Variants in TRPC1 observed in about 807,000 individuals in gnomAD.
The protein encoded by TRPC1 is short transient receptor potential channel 1.
TRPC1 carries 42 observed loss-of-function variants against 88.2 expected under a neutral mutation model. That is an observed-to-expected ratio of 0.48 (90% confidence interval 0.37 to 0.62). The LOEUF is 0.62. Ranked by LOEUF, TRPC1 falls within the 20% of genes least tolerant of loss-of-function variation. TRPC1 has a pLI of 0.00. For synonymous variants in TRPC1, 288 were observed against 331.8 expected (o/e 0.87, Z 1.43); for missense variants, 699 against 957.3 (o/e 0.73, Z 3.56).
chr3:142,752,287 G>C (rs1477313024), intron 4 of TRPC1, among the ~76,000 whole-genome samples: 1 of 152,268 alleles, frequency 6.6e-6, no homozygotes, highest in Non-Finnish European at 1.5e-5. Flanking sequence ...GTGATAATAA[G>C]GAGAAGGTCA....
intron 7 of TRPC1, among the ~76,000 whole-genome samples, chr3:142,785,481 A>G (rs1314125174): frequency 6.6e-6 from 1 of 151,842 alleles, no homozygotes; most frequent in Non-Finnish European, 1.5e-5. Context: ...AGAACCTATG[A>G]GCTTTTTGGT....
intron 7 of TRPC1, among the ~76,000 whole-genome samples, chr3:142,788,814 A>G (rs1936210856): frequency 6.6e-6 from 1 of 152,174 alleles, no homozygotes; most frequent in Non-Finnish European, 1.5e-5. Context: ...TGCTTGGATT[A>G]GTTTCAACTT....
chr3:142,731,180 G>A (rs1577939137), intron 1 of TRPC1, among the ~76,000 whole-genome samples: 1 of 151,910 alleles, frequency 6.6e-6, no homozygotes, highest in Non-Finnish European at 1.5e-5. Context: ...ACTGTTAATG[G>A]GTTGCAACCT....
At chr3:142,773,793 A>G (rs1023817303) in intron 4 of TRPC1, among the ~76,000 whole-genome samples, 1 of 148,300 alleles carries the variant, frequency 6.7e-6, no homozygotes, top group African/African-American at 2.5e-5. Flanking sequence ...AATGAAGTCT[A>G]TCCCCGCCCC....
rs1351070555 is a variant in TRPC1, at chr3:142,772,317, G to A, written c.633-5315G>A. On this transcript the variant is annotated intron_variant, in intron 4 of 12. Transcript: ENST00000476941. ...ATGTTGGTATGCTTAATGGTGTTCC[G>A]CATCTCTCTTAGGCTCTGTTCATTT... Among the ~76,000 whole-genome samples the A allele has an allele frequency of 1.1e-4, 17 of 151,948 alleles. No homozygotes were observed. In the East Asian group the frequency reaches 2.1e-3, roughly 19 times the overall value.
At chr3:142,780,158 T>G (rs1375730596) in intron 5 of TRPC1, among the ~76,000 whole-genome samples, 1 of 152,168 alleles carries the variant, frequency 6.6e-6, no homozygotes, top group Non-Finnish European at 1.5e-5. Context: ...GTAATTGATA[T>G]TTTTTAAAAG....
In TRPC1 at chr3:142,776,453, A is replaced by G. The variant is rs1424682958; in HGVS notation, c.633-1179A>G. On this transcript the variant is annotated intron_variant, in intron 4 of 12. Coordinates refer to ENST00000476941, the MANE Select transcript of TRPC1 (RefSeq NM_001251845.2). The surrounding 1 kb of genome is among the most constrained non-coding windows in gnomAD (Gnocchi z 4.1). ...TTTCTGGTTTGTTTTCTATTTAGGTATGGAAATTTGAATATTAATTTATAG... is the reference window on the plus strand; with the variant it reads ...TTTCTGGTTTGTTTTCTATTTAGGTGTGGAAATTTGAATATTAATTTATAG... 4.6e-5 allele frequency among the ~76,000 whole-genome samples: 7 copies of G among 152,166 alleles called. No homozygotes were observed. The highest frequency in any genetic ancestry group is 1.0e-4 in the Non-Finnish European group (7 of 68,024).
chr3:142,804,507 G>A lies in TRPC1; in HGVS notation c.2031G>A (p.Thr677=), dbSNP rs3821647. 301,414 of 1,613,014 alleles carry A rather than the reference G, an allele frequency of 0.19. 28,740 individuals are homozygous for A. The highest frequency in any genetic ancestry group is 0.24 in the East Asian group (10,603 of 44,794). The part of the protein sequence containing the change: ...LWLSYFDDKC[T]LPPPFNIIPS... ...TTAGCTACTTTGATGACAAATGTAC[G>A]TTACCTCCACCTTTCAACATCATTC... Residue 677 remains threonine (T), a synonymous_variant, in exon 12 of 13, where the codon ACG becomes ACA. Transcript: ENST00000476941.
chr3:142,756,734 G>A (rs1187198504), intron 4 of TRPC1, among the ~76,000 whole-genome samples: 1 of 152,068 alleles, frequency 6.6e-6, no homozygotes, highest in Non-Finnish European at 1.5e-5. Flanking sequence ...AGTCATTTTA[G>A]CAGGAGTGTA....
chr3:142,748,515 A>T, intron 4 of TRPC1, 55 bp downstream of exon 4: 1 of 1,564,458 alleles, frequency 6.4e-7, no homozygotes, highest in South Asian at 1.1e-5. Flanking sequence ...AACAATGTTG[A>T]TTTTTAAAAT....
At chr3:142,733,044 C>G (rs77923952) in intron 1 of TRPC1, among the ~76,000 whole-genome samples, 1,833 of 151,812 alleles carry the variant, frequency 0.012, 47 homozygotes, top group East Asian at 0.09. Context: ...AGCAACCACT[C>G]TAGGTTTCCT....
intron 4 of TRPC1, among the ~76,000 whole-genome samples, chr3:142,771,038 G>A (rs1211881814): frequency 6.6e-6 from 1 of 152,042 alleles, no homozygotes; most frequent in Non-Finnish European, 1.5e-5. Context: ...GTGGTGCCAG[G>A]TTCTTTTTAA....
At chr3:142,800,544 A>G (rs1046441822) in intron 9 of TRPC1, among the ~76,000 whole-genome samples, 2 of 152,142 alleles carry the variant, frequency 1.3e-5, no homozygotes, top group Non-Finnish European at 2.9e-5. Context: ...TTTTATTTAA[A>G]GCTTGATGTA....
At position 142,792,417 on chromosome 3, in the gene TRPC1, G is replaced by T. The variant is rs974025857; in HGVS notation, c.1438-407G>T. 3.3e-5 allele frequency among the ~76,000 whole-genome samples: 5 copies of T among 151,694 alleles called. No homozygotes were observed. The highest frequency in any genetic ancestry group is 1.2e-4 in the African/African-American group (5 of 41,422). On this transcript the variant is annotated intron_variant, in intron 8 of 12. Transcript: ENST00000476941. This position sits in a 1 kb window ranked among gnomAD's most constrained non-coding sequence, Gnocchi z 4.0. ...TTTTTATTTTGTATTTAAAAGGGGG[G>T]AAAAAAACTCTGAATTCCAAGTCAA...
intron 3 of TRPC1, 93 bp from the exon 4 acceptor site, chr3:142,748,165 G>T: frequency 8.7e-7 from 1 of 1,155,086 alleles, no homozygotes; most frequent in Non-Finnish European, 1.2e-6. Flanking sequence ...TAAGTTCTTT[G>T]TGCCTTCCTA....
At chr3:142,790,135 T>G (rs1351465521) in intron 7 of TRPC1, among the ~76,000 whole-genome samples, 1 of 151,964 alleles carries the variant, frequency 6.6e-6, no homozygotes, top group Admixed American at 6.6e-5. Flanking sequence ...AGTGAGGTAG[T>G]TAGTCAAATG....
chr3:142,732,205 G>T (rs1933949466), intron 1 of TRPC1, among the ~76,000 whole-genome samples: 1 of 152,162 alleles, frequency 6.6e-6, no homozygotes, highest in Non-Finnish European at 1.5e-5. Context: ...TGGGGAGTTG[G>T]TCCATGTGAA....
At chr3:142,748,510 T>C in intron 4 of TRPC1, 50 bp downstream of exon 4, 2 of 1,575,408 alleles carry the variant, frequency 1.3e-6, no homozygotes, top group South Asian at 1.1e-5. Flanking sequence ...ATATCAACAA[T>C]GTTGATTTTT....
intron 1 of TRPC1, among the ~76,000 whole-genome samples, chr3:142,726,481 T>G (rs1179265826): frequency 2.0e-5 from 3 of 151,990 alleles, no homozygotes; most frequent in Non-Finnish European, 4.4e-5. Context: ...GACTTGGCTT[T>G]GGGGGGGTAG....
Sources: allele counts gnomAD v4.1 joint callset (sites outside exome capture counted in the v4.1 genomes callset), GRCh38; gene constraint gnomAD v4.1.1; non-coding constraint Gnocchi (gnomAD v3.1); transcripts MANE v1.5; gene names NCBI Gene and HGNC (gene_info 2026-07-23, HGNC 2026-07-21).